Variants in ELOVL5 observed in about 807,000 individuals in gnomAD.
ELOVL5 encodes very long chain fatty acid elongase 5.
Under a neutral mutation model 38.6 loss-of-function variants are expected in ELOVL5, and 8 were observed. The ratio of observed to expected loss-of-function variants is 0.21; its 90% CI spans 0.12 to 0.37. The LOEUF (loss-of-function observed/expected upper bound fraction) is 0.37. ELOVL5 is among the 10% of genes least tolerant of loss of function. The probability of loss-of-function intolerance (pLI) is 1.00; values close to 1 mark genes in which losing one functional copy is unlikely to be tolerated. For synonymous variants in ELOVL5, 127 were observed against 133.7 expected (o/e 0.95, Z 0.34); for missense variants, 280 against 367.8 (o/e 0.76, Z 1.95).
chr6:53,273,552 G>A (rs182267249), intron 5 of ELOVL5, among the ~76,000 whole-genome samples: 311 of 152,316 alleles, frequency 2.0e-3, no homozygotes, highest in Non-Finnish European at 3.3e-3. Flanking sequence ...AGGAGGCTCC[G>A]AGCCCAGGGG....
intron 1 of ELOVL5, among the ~76,000 whole-genome samples, chr6:53,335,536 T>C (rs1364503330): frequency 6.6e-6 from 1 of 152,098 alleles, no homozygotes; most frequent in Non-Finnish European, 1.5e-5. Context: ...TCCTTCCTGT[T>C]TACTCGCAGG....
intron 2 of ELOVL5, among the ~76,000 whole-genome samples, chr6:53,295,072 T>C (rs527866264): frequency 5.2e-5 from 8 of 152,384 alleles, no homozygotes; most frequent in Non-Finnish European, 1.0e-4. Context: ...ACTGAGATTC[T>C]TTTTGTCTGT....
At chr6:53,319,737 C>A (rs1262459404) in intron 1 of ELOVL5, among the ~76,000 whole-genome samples, 1 of 152,200 alleles carries the variant, frequency 6.6e-6, no homozygotes, top group Non-Finnish European at 1.5e-5. Flanking sequence ...TCATTTAGTT[C>A]ACTGCACTGT....
intron 1 of ELOVL5, among the ~76,000 whole-genome samples, chr6:53,332,939 C>T (rs1361335221): frequency 6.6e-6 from 1 of 152,216 alleles, no homozygotes; most frequent in Admixed American, 6.5e-5. Flanking sequence ...CAGCTGACTC[C>T]TTAAAGCGAA....
rs1452197838 is a variant in ELOVL5 at position 53,304,133 on chromosome 6, TATA to T, written c.-8-8429_-8-8427del. Reference sequence around the variant, plus strand: ...CAAGTACTCCAATCTGTCCTATGAGTATAATAATTATCTATTGGTGATACTATA... The same window carrying T: ...CAAGTACTCCAATCTGTCCTATGAGTATAATTATCTATTGGTGATACTATA... On this transcript the variant is annotated intron_variant, in intron 1 of 7. Transcript: ENST00000304434. 3.9e-5 allele frequency among the ~76,000 whole-genome samples: 6 copies of T among 152,308 alleles called. No individual in the cohort carries two copies. In the East Asian group the frequency reaches 9.6e-4, roughly 24 times the overall value.
chr6:53,340,411 A>C (rs1208711074), intron 1 of ELOVL5, among the ~76,000 whole-genome samples: 2 of 152,134 alleles, frequency 1.3e-5, no homozygotes, highest in Admixed American at 1.3e-4. Flanking sequence ...TATAAACCTA[A>C]TGTAGCCTAA....
chr6:53,272,118 C>T (rs1765951592), intron 6 of ELOVL5, among the ~76,000 whole-genome samples: 2 of 151,898 alleles, frequency 1.3e-5, no homozygotes. Context: ...ACTTTTTTTT[C>T]AGATTGTTAT....
rs757650836 is a variant in ELOVL5 at position 53,276,145 on chromosome 6, TA to T, written c.324+33del. ...AATTTATTTTTAAAAACTCAACACT[TA>T]TAATAATAAAGTTTCTGAAAAAGAG... On this transcript the variant is annotated intron_variant, in intron 4 of 7. Coordinates refer to ENST00000304434, the MANE Select transcript of ELOVL5 (RefSeq NM_021814.5). 2.2e-4 allele frequency: 323 copies of T among 1,459,278 alleles called. No homozygotes were observed. The African/African-American group carries it at 4.0e-3, about 18-fold the overall frequency. 90.4% of individuals were successfully genotyped at this position (1,459,278 alleles called of 1,614,324 possible).
intron 3 of ELOVL5, among the ~76,000 whole-genome samples, chr6:53,289,484 C>T (rs1025525360): frequency 5.3e-5 from 8 of 152,210 alleles, no homozygotes; most frequent in Middle Eastern, 3.4e-3. Flanking sequence ...TTTGGGAGGC[C>T]GAGGCGGGTG....
At chr6:53,307,540 T>C (rs1476326599) in intron 1 of ELOVL5, among the ~76,000 whole-genome samples, 1 of 152,216 alleles carries the variant, frequency 6.6e-6, no homozygotes, top group African/African-American at 2.4e-5. Context: ...ATATTCAATG[T>C]TTATGGAAGA....
chr6:53,313,454 G>A (rs1767919674), intron 1 of ELOVL5, among the ~76,000 whole-genome samples: 1 of 151,986 alleles, frequency 6.6e-6, no homozygotes, highest in African/African-American at 2.4e-5. Context: ...TCAACCTCCC[G>A]GGCTCTTGCA....
intron 2 of ELOVL5, among the ~76,000 whole-genome samples, chr6:53,293,698 G>C (rs1396655757): frequency 2.0e-5 from 3 of 152,110 alleles, no homozygotes; most frequent in African/African-American, 4.8e-5. Context: ...CACAGAACAA[G>C]AACAGGCTCA....
chr6:53,334,367 T>C (rs1768951221), intron 1 of ELOVL5, among the ~76,000 whole-genome samples: 1 of 152,114 alleles, frequency 6.6e-6, no homozygotes, highest in African/African-American at 2.4e-5. Context: ...CAGCACAGGG[T>C]AAAATATGCA....
chr6:53,346,684 C>T (rs761816216), intron 1 of ELOVL5, among the ~76,000 whole-genome samples: 1 of 151,994 alleles, frequency 6.6e-6, no homozygotes, highest in Admixed American at 6.6e-5. Flanking sequence ...ACACTAACTA[C>T]CCACCTAGGC....
intron 1 of ELOVL5, among the ~76,000 whole-genome samples, chr6:53,316,527 T>C (rs1180841507): frequency 6.7e-6 from 1 of 149,482 alleles, no homozygotes; most frequent in African/African-American, 2.5e-5. Context: ...AACTGGGGGG[T>C]TGGTAAAGAA....
At chr6:53,315,562 T>C (rs1767995875) in intron 1 of ELOVL5, among the ~76,000 whole-genome samples, 1 of 152,212 alleles carries the variant, frequency 6.6e-6, no homozygotes, top group South Asian at 2.1e-4. Flanking sequence ...TATGAAAGGG[T>C]TGTACTATTG....
intron 6 of ELOVL5, among the ~76,000 whole-genome samples, chr6:53,271,741 T>C (rs1362145777): frequency 6.6e-6 from 1 of 152,148 alleles, no homozygotes; most frequent in Non-Finnish European, 1.5e-5. Flanking sequence ...CTCCAAGCCA[T>C]GACCCACTGT....
intron 1 of ELOVL5, among the ~76,000 whole-genome samples, chr6:53,319,110 A>G (rs1300273023): frequency 6.6e-6 from 1 of 151,876 alleles, no homozygotes; most frequent in Non-Finnish European, 1.5e-5. Flanking sequence ...TCTCTACTAA[A>G]AATACAAAAA....
chr6:53,291,769 G>C lies in ELOVL5; in HGVS notation c.246+7C>G. 6.2e-7 allele frequency: 1 copy of C among 1,602,232 alleles called. No individual in the cohort carries two copies. Among genetic ancestry groups the C allele is most frequent in the Non-Finnish European group, 8.5e-7 (1 of 1,173,764 alleles). On this transcript the variant is annotated splice_region_variant and intron_variant, in intron 3 of 7. Transcript: ENST00000304434. ...TGAAAGGAAGACTGTGTTAACCTTT[G>C]ACTTACCTCACAGAACATATACAGA...
Sources: allele counts gnomAD v4.1 joint callset (sites outside exome capture counted in the v4.1 genomes callset), GRCh38; gene constraint gnomAD v4.1.1; transcripts MANE v1.5; gene names NCBI Gene and HGNC (gene_info 2026-07-23, HGNC 2026-07-21).